The following RPS6KC1 variants were observed in gnomAD, a reference collection of about 807,000 sequenced individuals.
RPS6KC1 encodes inactive ribosomal protein S6 kinase delta-1.
A neutral mutation model predicts 103.8 loss-of-function variants in RPS6KC1; 54 were observed. That is an observed-to-expected ratio of 0.52 (90% CI 0.42 to 0.65). The LOEUF is 0.65. Among genes scored for constraint, RPS6KC1 ranks in the 30% least tolerant of loss-of-function variants. RPS6KC1 has a pLI of 0.00. For synonymous variants in RPS6KC1, 439 were observed against 438.7 expected (o/e 1.00, Z -0.01); for missense variants, 1,151 against 1,253.8 (o/e 0.92, Z 1.24).
the RPS6KC1 span, among the ~76,000 whole-genome samples, chr1:213,482,556 T>TG: frequency 8.0e-6 from 1 of 125,772 alleles, no homozygotes; most frequent in Non-Finnish European, 1.7e-5. Context: ...TTTTTTTTTT[T>TG]TTTTTTTTTT....
At chr1:213,628,452 C>T in the RPS6KC1 span, among the ~76,000 whole-genome samples, 2 of 151,742 alleles carry the variant, frequency 1.3e-5, no homozygotes, top group African/African-American at 4.8e-5. Flanking sequence ...TACTTCTTGC[C>T]TTCTGCTAGC....
chr1:213,764,112 G>A, the RPS6KC1 span, among the ~76,000 whole-genome samples: 1 of 152,224 alleles, frequency 6.6e-6, no homozygotes. Flanking sequence ...AATATTTGTC[G>A]ACTGGAAATA....
At chr1:213,545,904 G>T in the RPS6KC1 span, among the ~76,000 whole-genome samples, 2 of 152,080 alleles carry the variant, frequency 1.3e-5, no homozygotes, top group African/African-American at 4.8e-5. Flanking sequence ...TTCTTCCATG[G>T]GATCCCTGTA....
chr1:213,409,185 C>T, the RPS6KC1 span, among the ~76,000 whole-genome samples: 2 of 152,204 alleles, frequency 1.3e-5, no homozygotes, highest in South Asian at 4.2e-4. Flanking sequence ...CCTCTAGAAG[C>T]CCGTGCAACC....
At chr1:213,399,334 C>T in the RPS6KC1 span, among the ~76,000 whole-genome samples, 1 of 152,146 alleles carries the variant, frequency 6.6e-6, no homozygotes, top group Non-Finnish European at 1.5e-5. Flanking sequence ...TGGACTGGAG[C>T]AGCTTTCTGG....
the RPS6KC1 span, among the ~76,000 whole-genome samples, chr1:213,355,720 C>T: frequency 6.6e-6 from 1 of 152,130 alleles, no homozygotes; most frequent in Admixed American, 6.5e-5. Flanking sequence ...GGATGATCTT[C>T]TATGTAACTC....
chr1:213,540,189 T>C, the RPS6KC1 span, among the ~76,000 whole-genome samples: 1 of 152,188 alleles, frequency 6.6e-6, no homozygotes, highest in African/African-American at 2.4e-5. Flanking sequence ...CATAGCACCC[T>C]GTAACTTCAA....
At chr1:213,516,869 C>G in the RPS6KC1 span, among the ~76,000 whole-genome samples, 62 of 152,136 alleles carry the variant, frequency 4.1e-4, no homozygotes, top group African/African-American at 1.4e-3. Context: ...GACTCTTTTT[C>G]GTTGGTAAGC....
the RPS6KC1 span, among the ~76,000 whole-genome samples, chr1:213,440,726 A>T: frequency 6.6e-6 from 1 of 151,926 alleles, no homozygotes; most frequent in Non-Finnish European, 1.5e-5. Context: ...AATGGGTAGG[A>T]TAGTCTTCTT....
At chr1:213,692,646 T>G in the RPS6KC1 span, among the ~76,000 whole-genome samples, 8 of 152,284 alleles carry the variant, frequency 5.3e-5, no homozygotes, top group East Asian at 1.5e-3. Context: ...GTTGTACATG[T>G]GCTCACTTGA....
intron 8 of RPS6KC1, among the ~76,000 whole-genome samples, chr1:213,177,178 A>T (rs891378142): frequency 6.6e-6 from 1 of 152,296 alleles, no homozygotes; most frequent in Middle Eastern, 3.4e-3. Context: ...AAATTTGGTG[A>T]CATCTCACGC....
the RPS6KC1 span, among the ~76,000 whole-genome samples, chr1:213,760,848 C>CTT: frequency 7.6e-3 from 887 of 117,198 alleles, 28 homozygotes; most frequent in African/African-American, 0.024. Flanking sequence ...TGTGAGTCTA[C>CTT]TTTTTTTTTT....
chr1:213,247,560 C>T (rs939885575), intron 12 of RPS6KC1, among the ~76,000 whole-genome samples: 2 of 152,122 alleles, frequency 1.3e-5, no homozygotes, highest in Non-Finnish European at 2.9e-5. Flanking sequence ...TATCTTGAGG[C>T]TATCAGAAGT....
chr1:213,772,595 C>A, the RPS6KC1 span, among the ~76,000 whole-genome samples: 1 of 149,524 alleles, frequency 6.7e-6, no homozygotes, highest in African/African-American at 2.5e-5. Flanking sequence ...CACCGCCCAC[C>A]CCCCACCAGT....
the RPS6KC1 span, among the ~76,000 whole-genome samples, chr1:213,786,175 C>T: frequency 6.6e-6 from 1 of 152,108 alleles, no homozygotes; most frequent in Non-Finnish European, 1.5e-5. Context: ...GCAGATCCAG[C>T]AGGAAGTTGG....
At chr1:213,831,387 A>T in the RPS6KC1 span, among the ~76,000 whole-genome samples, 3 of 152,304 alleles carry the variant, frequency 2.0e-5, no homozygotes, top group East Asian at 5.8e-4. Flanking sequence ...GGTTGGAGTG[A>T]TGTAAGGAAG....
chr1:213,654,170 T>G, the RPS6KC1 span, among the ~76,000 whole-genome samples: 6 of 152,232 alleles, frequency 3.9e-5, no homozygotes, highest in Non-Finnish European at 5.9e-5. Flanking sequence ...TTTTTTTCTC[T>G]TTTATGTTGC....
In RPS6KC1 at chr1:213,181,324, C is replaced by A. The variant is rs188860051; in HGVS notation, c.1044+4832C>A. On this transcript the variant is annotated intron_variant, in intron 8 of 14. Transcript: ENST00000366960. ...CAAGTCATCGTTATAAGAGATGCCA[C>A]ACACTTTGTAAGTCTATGACTATTT... Among the ~76,000 whole-genome samples, 645 of 152,348 alleles carry A rather than the reference C, an allele frequency of 4.2e-3. 6 individuals carry two copies. The highest frequency in any genetic ancestry group is 0.015 in the African/African-American group (620 of 41,586).
chr1:213,629,077 G>A, the RPS6KC1 span, among the ~76,000 whole-genome samples: 8 of 152,188 alleles, frequency 5.3e-5, no homozygotes, highest in African/African-American at 1.7e-4. Context: ...GGGGTGGAGA[G>A]TTCTGTAGAT....
Sources: gnomAD v4.1 joint callset for allele counts (sites outside exome capture counted in the v4.1 genomes callset) on GRCh38, gnomAD v4.1.1 for gene constraint, MANE v1.5 for transcripts, NCBI Gene and HGNC (gene_info 2026-07-23, HGNC 2026-07-21) for gene names.